Variants in KDM5A observed in about 807,000 individuals in gnomAD.
KDM5A encodes lysine-specific demethylase 5A.
KDM5A carries 42 observed loss-of-function variants against 193.5 expected under a neutral mutation model. The ratio of observed to expected loss-of-function variants is 0.22; its 90% CI spans 0.17 to 0.28. The LOEUF (loss-of-function observed/expected upper bound fraction) is 0.28, where lower values mean the gene tolerates loss of function less well. KDM5A is among the 10% of genes least tolerant of loss of function. The pLI is 1.00. For synonymous variants in KDM5A, 796 were observed against 718.1 expected (o/e 1.11, Z -1.73); for missense variants, 1,692 against 2,055.1 (o/e 0.82, Z 3.42).
chr12:304,282 C>T (rs1472326550), intron 24 of KDM5A, among the ~76,000 whole-genome samples: 1 of 151,964 alleles, frequency 6.6e-6, no homozygotes, highest in African/African-American at 2.4e-5. Flanking sequence ...CTTCCTCAAG[C>T]AAGAATACTA....
chr12:291,262 G>GACTAT (rs1943290196), intron 27 of KDM5A, among the ~76,000 whole-genome samples: 1 of 152,136 alleles, frequency 6.6e-6, no homozygotes, highest in African/African-American at 2.4e-5. Context: ...TGGAAGATTA[G>GACTAT]ACTATAGGAT....
chr12:295,648 G>T lies in KDM5A; in HGVS notation c.4380C>A (p.Asp1460Glu). 6.2e-7 allele frequency: 1 copy of T among 1,614,000 alleles called. No individual in the cohort carries two copies. Among genetic ancestry groups the T allele is most frequent in the Non-Finnish European group, 8.5e-7 (1 of 1,179,966 alleles). The change falls in exon 26 of 28, where the codon GAC becomes GAA. Residue 1460 changes from aspartate (D) to glutamate (E), a missense_variant. By Grantham distance (45) the Asp-to-Glu change is conservative. Around this residue, in one of 11 missense-constraint regions of KDM5A, gnomAD observed 965 missense variants for 1,061.0 expected, o/e 0.91. Coordinates refer to ENST00000399788, the MANE Select transcript of KDM5A (RefSeq NM_001042603.3). ...MVGDLLEVSL[D>E]ETQHIWRILQ... Reference sequence around the variant, plus strand: ...AAATCCGCCATATGTGTTGAGTCTCGTCCAGAGATACTTCCAGGAGATCTC... The same window carrying T: ...AAATCCGCCATATGTGTTGAGTCTCTTCCAGAGATACTTCCAGGAGATCTC...
At position 313,100 on chromosome 12, in the gene KDM5A, A is replaced by C; in HGVS notation, c.2992T>G (p.Leu998Val). Residue 998 changes from leucine (L) to valine (V), a missense_variant, in exon 20 of 28, where the codon TTA becomes GTA. This residue lies in a region of KDM5A where 965 missense variants were observed against 1,061.0 expected (regional missense o/e 0.91). Coordinates refer to ENST00000399788, the MANE Select transcript of KDM5A (RefSeq NM_001042603.3). The part of the protein sequence containing the change: ...LPNVLSLKEA[L>V]QKAREWTAKV... ...GCGGTCCATTCTCGAGCCTTTTGTA[A>C]GGCTTCTTTCAAGGACAACACATTG... The C allele has an allele frequency of 6.2e-7, 1 of 1,614,168 alleles. No individual in the cohort carries two copies. Among genetic ancestry groups the C allele is most frequent in the Non-Finnish European group, 8.5e-7 (1 of 1,180,008 alleles).
intron 22 of KDM5A, 56 bp from the exon 23 acceptor site, chr12:308,061 A>C: frequency 6.5e-7 from 1 of 1,533,318 alleles, no homozygotes; most frequent in Non-Finnish European, 9.0e-7. Flanking sequence ...CCCCCAAAAT[A>C]CCAAATCCTC....
intron 22 of KDM5A, 57 bp downstream of exon 22, chr12:309,746 A>C: frequency 6.4e-7 from 1 of 1,566,602 alleles, no homozygotes; most frequent in African/African-American, 1.3e-5. Context: ...GTCTGCTAAT[A>C]TCTCTACAGA....
At chr12:385,007 C>T (rs1409177034) in intron 2 of KDM5A, among the ~76,000 whole-genome samples, 4 of 152,002 alleles carry the variant, frequency 2.6e-5, no homozygotes, top group African/African-American at 7.2e-5. Flanking sequence ...CTGGCCAACA[C>T]GGCAAAACTC....
intron 11 of KDM5A, 98 bp downstream of exon 11, chr12:334,143 T>C: frequency 2.7e-6 from 3 of 1,113,278 alleles, no homozygotes; most frequent in Non-Finnish European, 2.7e-6. Context: ...ACCTTAAATA[T>C]ACTTCTGTCT....
rs906033683 is a variant in KDM5A at position 283,967 on chromosome 12, A to G, written c.*1489T>C. The G allele has an allele frequency of 2.1e-5, 5 of 233,466 alleles. No homozygotes were observed. Among genetic ancestry groups the G allele is most frequent in the African/African-American group, 1.1e-4 (5 of 45,350 alleles). The allele number at this position is 233,466 out of a possible 1,614,324, so 14.5% of individuals were successfully genotyped here. On this transcript the variant is annotated 3_prime_UTR_variant, in exon 28 of 28. Coordinates refer to ENST00000399788, the MANE Select transcript of KDM5A (RefSeq NM_001042603.3). ...TTCACACACAAAAGAAAAAAGAGCCAGCACAGACTAGAGTGAGACCAAGTT... is the reference window on the plus strand; with the variant it reads ...TTCACACACAAAAGAAAAAAGAGCCGGCACAGACTAGAGTGAGACCAAGTT...
rs1943190477 is a variant in KDM5A, at chr12:284,224, A to G, written c.*1232T>C. ...ATGCTGCTGGTAACAGTAAATATAT[A>G]TATTTATATATTCATATATGTATAT... On this transcript the variant is annotated 3_prime_UTR_variant, in exon 28 of 28. Coordinates refer to ENST00000399788, the MANE Select transcript of KDM5A (RefSeq NM_001042603.3). 2 of 222,762 alleles carry G rather than the reference A, an allele frequency of 9.0e-6. No homozygotes were observed. The highest frequency in any genetic ancestry group is 5.8e-5 in the Admixed American group (1 of 17,360). The allele number at this position is 222,762 out of a possible 1,614,324, so 13.8% of individuals were successfully genotyped here.
At chr12:321,157 C>A (rs754305266) in intron 17 of KDM5A, 48 bp from the exon 18 acceptor site, 1 of 1,354,258 alleles carries the variant, frequency 7.4e-7, no homozygotes, top group Non-Finnish European at 1.1e-6. Context: ...TTCAGTCATT[C>A]TGATATCAAA....
chr12:306,738 A>G (rs1280466003), intron 24 of KDM5A, among the ~76,000 whole-genome samples: 1 of 149,646 alleles, frequency 6.7e-6, no homozygotes, highest in Non-Finnish European at 1.5e-5. Context: ...GCGAGACTCC[A>G]TCTCCAAAAA....
At chr12:301,522 G>A (rs1425275955) in intron 24 of KDM5A, among the ~76,000 whole-genome samples, 1 of 152,138 alleles carries the variant, frequency 6.6e-6, no homozygotes, top group Non-Finnish European at 1.5e-5. Context: ...GGTATTGATG[G>A]AATGTATCTC....
intron 27 of KDM5A, 104 bp from the exon 28 acceptor site, chr12:285,766 G>C: frequency 1.0e-6 from 1 of 992,736 alleles, no homozygotes. Flanking sequence ...CAAACAACTG[G>C]GATGTCTAGA....
At position 329,038 on chromosome 12, in the gene KDM5A, G is replaced by A. The variant is rs1302329492; in HGVS notation, c.1774-9C>T. The A allele has an allele frequency of 6.2e-7, 1 of 1,612,962 alleles. No homozygotes were observed. The highest frequency in any genetic ancestry group is 8.5e-7 in the Non-Finnish European group (1 of 1,179,002). ...TGACGTCCAATGGGCAACTGAAAAT[G>A]AGATTTCCAAATTAAATAACTCGCT... On this transcript the variant is annotated splice_polypyrimidine_tract_variant and intron_variant, in intron 13 of 27. Coordinates refer to ENST00000399788, the MANE Select transcript of KDM5A (RefSeq NM_001042603.3).
chr12:312,592 C>T (rs1943601807), intron 20 of KDM5A, among the ~76,000 whole-genome samples: 1 of 152,002 alleles, frequency 6.6e-6, no homozygotes, highest in Non-Finnish European at 1.5e-5. Context: ...TAAAATCAGA[C>T]GAAAGAGTAA....
At chr12:382,537 T>C (rs1944586769) in intron 3 of KDM5A, among the ~76,000 whole-genome samples, 1 of 152,002 alleles carries the variant, frequency 6.6e-6, no homozygotes. Context: ...TTCAAAATAG[T>C]ATATAAATTA....
chr12:354,520 G>A (rs1944206752), intron 7 of KDM5A, among the ~76,000 whole-genome samples: 1 of 152,142 alleles, frequency 6.6e-6, no homozygotes, highest in African/African-American at 2.4e-5. Context: ...TGTAATCCCA[G>A]CACTTTGGGA....
chr12:373,456 C>T (rs1035323809), intron 3 of KDM5A, among the ~76,000 whole-genome samples: 6 of 151,972 alleles, frequency 3.9e-5, no homozygotes, highest in South Asian at 4.1e-4. Context: ...TTTTTTATTG[C>T]GTCTATTTGA....
chr12:322,214 C>A, intron 17 of KDM5A: 4 of 589,826 alleles, frequency 6.8e-6, no homozygotes, highest in Admixed American at 5.9e-5. Context: ...GTATGAAGAA[C>A]AGCAAGAGAA....
Sources: gnomAD v4.1 joint callset for allele counts (sites outside exome capture counted in the v4.1 genomes callset) on GRCh38, gnomAD v4.1.1 for gene constraint, gnomAD v4.1.1 regional missense constraint, MANE v1.5 for transcripts, NCBI Gene and HGNC (gene_info 2026-07-23, HGNC 2026-07-21) for gene names.